NRXN3: variants seen among roughly 807,000 people sequenced by gnomAD.
NRXN3 encodes the protein neurexin 3.
In NRXN3, 32 loss-of-function variants were observed where a neutral mutation model predicts 137.6. The observed-to-expected ratio is 0.23, with a 90% CI of 0.18 to 0.31. NRXN3 has a LOEUF of 0.31. NRXN3 is among the 10% of genes least tolerant of loss of function. The probability of loss-of-function intolerance (pLI) is 1.00; values close to 1 mark genes in which losing one functional copy is unlikely to be tolerated. For missense variants in NRXN3, 1,574 were observed against 2,062.5 expected (o/e 0.76, Z 4.59); for synonymous variants, 798 against 784.5 (o/e 1.02, Z -0.29).
At chr14:78,480,781 A>G (rs2095459666) in intron 4 of NRXN3, among the ~76,000 whole-genome samples, 1 of 152,132 alleles carries the variant, frequency 6.6e-6, no homozygotes, top group Admixed American at 6.6e-5. Flanking sequence ...CCTTTTATTA[A>G]AAAATGGAGC....
intron 4 of NRXN3, among the ~76,000 whole-genome samples, chr14:78,552,904 G>T (rs2096706218): frequency 6.6e-6 from 1 of 151,950 alleles, no homozygotes; most frequent in Admixed American, 6.6e-5. Context: ...TTTAAGTGAT[G>T]GATATCCTAA....
intron 4 of NRXN3, among the ~76,000 whole-genome samples, chr14:78,355,177 G>A (rs556350846): frequency 3.9e-5 from 6 of 152,140 alleles, no homozygotes; most frequent in East Asian, 3.9e-4. Flanking sequence ...ATATTTTCAC[G>A]TTAAATCCAC....
At chr14:78,946,074 A>G (rs2099364560) in intron 10 of NRXN3, among the ~76,000 whole-genome samples, 1 of 152,260 alleles carries the variant, frequency 6.6e-6, no homozygotes, top group Admixed American at 6.5e-5. Context: ...TGTCAAAAAT[A>G]ATGTAATCAA....
At position 78,201,641 on chromosome 14, in the gene NRXN3, G is replaced by A. The variant is rs117127850; in HGVS notation, c.-704+30967G>A. Among the ~76,000 whole-genome samples, 168 of 152,244 alleles carry A rather than the reference G, an allele frequency of 1.1e-3. 2 individuals carry two copies. In the East Asian group the frequency reaches 0.03, roughly 27 times the overall value. ...CTTCTACGTCAGAGTGAGAGAACAC[G>A]CACAAATCTGCTGCAATTGACCTTT... On this transcript the variant is annotated intron_variant, in intron 1 of 20. Transcript: ENST00000335750.
chr14:78,724,120 T>C (rs2098472423), intron 8 of NRXN3, among the ~76,000 whole-genome samples: 1 of 152,054 alleles, frequency 6.6e-6, no homozygotes, highest in African/African-American at 2.4e-5. Context: ...AGCTAAAAGA[T>C]TTTTTTTCCT....
intron 15 of NRXN3, among the ~76,000 whole-genome samples, chr14:79,457,625 G>C (rs960759147): frequency 1.3e-5 from 2 of 152,104 alleles, no homozygotes; most frequent in African/African-American, 4.8e-5. Context: ...AGCTTTTCCA[G>C]AAAAATCGTG....
chr14:79,098,744 C>T (rs1307352452), intron 15 of NRXN3, among the ~76,000 whole-genome samples: 1 of 152,192 alleles, frequency 6.6e-6, no homozygotes, highest in African/African-American at 2.4e-5. Context: ...GTGCTTTCAT[C>T]AGCAAGGAAC....
At chr14:79,233,350 G>C (rs763066395) in intron 15 of NRXN3, among the ~76,000 whole-genome samples, 3 of 152,116 alleles carry the variant, frequency 2.0e-5, no homozygotes, top group Non-Finnish European at 2.9e-5. Flanking sequence ...TGGGGCTCAG[G>C]GTTCACTGGG....
At chr14:79,306,925 C>T (rs1321767219) in intron 15 of NRXN3, among the ~76,000 whole-genome samples, 1 of 152,088 alleles carries the variant, frequency 6.6e-6, no homozygotes, top group East Asian at 1.9e-4. Flanking sequence ...TTTTTAGTCT[C>T]CAGATAGGGT....
intron 7 of NRXN3, among the ~76,000 whole-genome samples, chr14:78,713,354 C>T (rs2098418169): frequency 6.6e-6 from 1 of 152,166 alleles, no homozygotes; most frequent in Non-Finnish European, 1.5e-5. Context: ...TTTGTAGGTG[C>T]CATCCCCTCT....
chr14:78,906,438 T>C (rs1306540445), intron 10 of NRXN3, among the ~76,000 whole-genome samples: 1 of 152,052 alleles, frequency 6.6e-6, no homozygotes, highest in African/African-American at 2.4e-5. Flanking sequence ...CTGACACCAC[T>C]CAAATATCAT....
intron 16 of NRXN3, among the ~76,000 whole-genome samples, chr14:79,576,592 AT>A (rs1393982731): frequency 3.3e-5 from 5 of 152,294 alleles, no homozygotes; most frequent in African/African-American, 1.2e-4. Flanking sequence ...TCATTTTGGC[AT>A]TGGACAGAAG....
At chr14:79,724,922 G>A (rs1426074301) in intron 19 of NRXN3, among the ~76,000 whole-genome samples, 5 of 152,064 alleles carry the variant, frequency 3.3e-5, no homozygotes, top group Non-Finnish European at 5.9e-5. Context: ...ATATAATGGA[G>A]GCTAGAAAGA....
rs74853226 is a variant in NRXN3 at position 79,776,649 on chromosome 14, G to A, written c.4015-28463G>A. The stretch of plus-strand genomic sequence containing the variant: ...TCTCTATAGAACTATGCAGTGTCAA[G>A]GACCCTCTGCCTTGACATAGATGCT... On this transcript the variant is annotated intron_variant, in intron 19 of 20. Coordinates refer to ENST00000335750, the MANE Select transcript of NRXN3 (RefSeq NM_001330195.2). Among the ~76,000 whole-genome samples, 208 of 152,288 alleles carry A rather than the reference G, an allele frequency of 1.4e-3. 1 individual carries two copies. Among genetic ancestry groups the A allele is most frequent in the African/African-American group, 4.8e-3 (198 of 41,558 alleles).
chr14:78,708,012 C>T (rs1007841485), intron 6 of NRXN3, among the ~76,000 whole-genome samples: 7 of 152,172 alleles, frequency 4.6e-5, no homozygotes, highest in African/African-American at 1.7e-4. Flanking sequence ...TATACACATG[C>T]CTGTGCAAGT....
intron 2 of NRXN3, among the ~76,000 whole-genome samples, chr14:78,267,341 G>A (rs1200017621): frequency 6.6e-6 from 1 of 152,118 alleles, no homozygotes; most frequent in Non-Finnish European, 1.5e-5. Context: ...CTCTCAGTGA[G>A]CCCAGCCCTC....
chr14:78,182,809 A>G (rs931976869), intron 1 of NRXN3, among the ~76,000 whole-genome samples: 1 of 152,184 alleles, frequency 6.6e-6, no homozygotes, highest in African/African-American at 2.4e-5. Flanking sequence ...AGCAGCTAGG[A>G]TAAGTAGGAA....
intron 15 of NRXN3, among the ~76,000 whole-genome samples, chr14:79,032,614 C>T (rs576164245): frequency 3.3e-5 from 5 of 152,276 alleles, no homozygotes; most frequent in African/African-American, 1.2e-4. Context: ...AGGGCTAAGC[C>T]ACACCATAAC....
chr14:79,083,372 C>T (rs1253049354), intron 15 of NRXN3, among the ~76,000 whole-genome samples: 1 of 152,136 alleles, frequency 6.6e-6, no homozygotes, highest in Non-Finnish European at 1.5e-5. Context: ...CTTGTACATT[C>T]TCAAAAACAA....
Sources: allele counts gnomAD v4.1 joint callset (sites outside exome capture counted in the v4.1 genomes callset), GRCh38; gene constraint gnomAD v4.1.1; transcripts MANE v1.5; gene names NCBI Gene and HGNC (gene_info 2026-07-23, HGNC 2026-07-21).